The following GAB4 variants were observed in gnomAD, a reference collection of about 807,000 sequenced individuals.
GAB4 encodes the protein GRB2 associated binding protein family member 4.
A neutral mutation model predicts 51.3 loss-of-function variants in GAB4; 26 were observed. That is an observed-to-expected ratio of 0.51 (90% CI 0.37 to 0.70). The LOEUF is 0.70. GAB4 is among the 30% of genes least tolerant of loss of function. The pLI, the probability that GAB4 is intolerant of heterozygous loss-of-function variation, is 0.00. For synonymous variants in GAB4, 329 were observed against 291.2 expected (o/e 1.13, Z -1.32); for missense variants, 759 against 734.6 (o/e 1.03, Z -0.38).
At chr22:17,007,122 T>C (rs2061046549) in intron 1 of GAB4, among the ~76,000 whole-genome samples, 1 of 152,102 alleles carries the variant, frequency 6.6e-6, no homozygotes, top group African/African-American at 2.4e-5. Flanking sequence ...CTGGAATAGA[T>C]TCTTGAAGGG....
At position 16,965,171 on chromosome 22, in the gene GAB4, C is replaced by T. The variant is rs1276098435; in HGVS notation, c.1379+7G>A. ...CCAAGCTCCTGTTTCCACTGACAGA[C>T]ACTCACCTGGTCCCAGACCAGGGCT... is the stretch of plus-strand genomic sequence containing the variant. On this transcript the variant is annotated splice_region_variant and intron_variant, in intron 7 of 9. Transcript: ENST00000400588. 8.7e-6 allele frequency: 14 copies of T among 1,607,060 alleles called. No individual in the cohort carries two copies. In the East Asian group the frequency reaches 3.1e-4, roughly 36 times the overall value.
intron 1 of GAB4, among the ~76,000 whole-genome samples, chr22:17,002,690 G>A (rs1242121026): frequency 6.6e-6 from 1 of 152,126 alleles, no homozygotes; most frequent in South Asian, 2.1e-4. Flanking sequence ...TGGGGGCGAG[G>A]GGGGAGGGAT....
chr22:16,968,328 C>T lies in GAB4; in HGVS notation c.993G>A (p.Glu331=). ...HGGGNASRPA[E]SMHEGVCSFL... is the part of the protein sequence containing the mutation. ...AAGAACAGACTCCCTCATGCATGGA[C>T]TCAGCAGGCCGGCTGGCATTCCCTC... Residue 331 remains glutamate, a synonymous_variant, in exon 5 of 10, where the codon GAG becomes GAA. Coordinates refer to ENST00000400588, the MANE Select transcript of GAB4 (RefSeq NM_001037814.1). The T allele has an allele frequency of 6.2e-7, 1 of 1,614,056 alleles. No individual in the cohort carries two copies. The highest frequency in any genetic ancestry group is 1.1e-5 in the South Asian group (1 of 91,076).
At chr22:16,975,176 A>T (rs2060766753) in intron 3 of GAB4, among the ~76,000 whole-genome samples, 1 of 152,162 alleles carries the variant, frequency 6.6e-6, no homozygotes, top group Non-Finnish European at 1.5e-5. Flanking sequence ...ATTCCCCTGA[A>T]AATGGGGCTG....
rs1257163653 is a variant in GAB4 at position 16,962,711 on chromosome 22, A to G, written c.*22T>C. ...AGCTCTGAGGCACTGTCCTGGCCCC[A>G]CTCTGGTTTTGGTGGCCCGAGTCAC... On this transcript the variant is annotated 3_prime_UTR_variant, in exon 10 of 10. Coordinates refer to ENST00000400588, the MANE Select transcript of GAB4 (RefSeq NM_001037814.1). The G allele has an allele frequency of 1.2e-6, 2 of 1,603,648 alleles. No homozygotes were observed. The highest frequency in any genetic ancestry group is 2.2e-5 in the East Asian group (1 of 44,806).
intron 3 of GAB4, among the ~76,000 whole-genome samples, chr22:16,987,077 A>G (rs151160101): frequency 0.019 from 2,860 of 152,368 alleles, 87 homozygotes; most frequent in African/African-American, 0.065. Flanking sequence ...TGACTGGTTC[A>G]AGTGAGATTA....
chr22:17,006,698 T>A (rs1241704255), intron 1 of GAB4, among the ~76,000 whole-genome samples: 2 of 152,190 alleles, frequency 1.3e-5, no homozygotes, highest in Non-Finnish European at 1.5e-5. Context: ...GAGTTCATGT[T>A]CTTTACAGGG....
Position 17,005,817 on chromosome 22 carries a change from C to T in GAB4, c.174+2124G>A, listed in dbSNP as rs149212213. ...CCATGGGCAGAAAACTGAAAGTGGA[C>T]CCCTTCCTTATATCTTATACAAAAA... On this transcript the variant is annotated intron_variant, in intron 1 of 9. Transcript: ENST00000400588. 4.8e-3 allele frequency among the ~76,000 whole-genome samples: 737 copies of T among 152,258 alleles called. 8 individuals are homozygous for T. The highest frequency in any genetic ancestry group is 0.017 in the African/African-American group (712 of 41,538).
At position 16,977,428 on chromosome 22, in the gene GAB4, G is replaced by C. The variant is rs2123674663; in HGVS notation, c.687-7235C>G. Among the ~76,000 whole-genome samples, 2 of 151,230 alleles carry C rather than the reference G, an allele frequency of 1.3e-5. 1 individual carries two copies. The highest frequency in any genetic ancestry group is 4.2e-4 in the South Asian group (2 of 4,794). On this transcript the variant is annotated intron_variant, in intron 3 of 9. Coordinates refer to ENST00000400588, the MANE Select transcript of GAB4 (RefSeq NM_001037814.1). Reference sequence around the variant, plus strand: ...ACCAAGAAAGATCAAAAGAGACAAAGAGGGCTTTACATAATGGTAAAGGGA... The same window carrying C: ...ACCAAGAAAGATCAAAAGAGACAAACAGGGCTTTACATAATGGTAAAGGGA...
At chr22:16,997,186 A>G (rs1373890119) in intron 1 of GAB4, among the ~76,000 whole-genome samples, 1 of 152,288 alleles carries the variant, frequency 6.6e-6, no homozygotes, top group East Asian at 1.9e-4. Flanking sequence ...GTCAAATGGT[A>G]TTTCTAGTTC....
intron 3 of GAB4, among the ~76,000 whole-genome samples, chr22:16,984,733 G>C (rs2060854011): frequency 6.6e-6 from 1 of 152,196 alleles, no homozygotes; most frequent in Non-Finnish European, 1.5e-5. Context: ...TGTTACACTG[G>C]TTTGGGACTT....
intron 1 of GAB4, among the ~76,000 whole-genome samples, chr22:17,000,026 T>C (rs957851799): frequency 5.3e-5 from 8 of 152,212 alleles, no homozygotes; most frequent in African/African-American, 1.7e-4. Context: ...TCATTTCTGT[T>C]TTTCTACATT....
rs1285525393 is a variant in GAB4 at position 17,008,069 on chromosome 22, C to T, written c.46G>A (p.Asp16Asn). 2 of 1,607,826 alleles carry T rather than the reference C, an allele frequency of 1.2e-6. No individual in the cohort carries two copies. Among genetic ancestry groups the T allele is most frequent in the East Asian group, 2.2e-5 (1 of 44,716 alleles). Reference protein sequence around the residue: ...PSPSRELCPPDPAFAPLSSWP... With the variant: ...PSPSRELCPPNPAFAPLSSWP... ...GAAGACAAAGGCGCAAATGCCGGGT[C>T]AGGTGGGCACAGCTCCCGGGAGGGT... is the stretch of plus-strand genomic sequence containing the variant. Residue 16 changes from aspartate to asparagine, a missense_variant, in exon 1 of 10, where the codon GAC becomes AAC. Coordinates refer to ENST00000400588, the MANE Select transcript of GAB4 (RefSeq NM_001037814.1).
Position 16,965,161 on chromosome 22 carries a change from C to T in GAB4, c.1379+17G>A, listed in dbSNP as rs750489712. The T allele has an allele frequency of 5.0e-6, 8 of 1,596,450 alleles. No individual in the cohort carries two copies. In the South Asian group the frequency reaches 7.8e-5, roughly 16 times the overall value. On this transcript the variant is annotated intron_variant, in intron 7 of 9. Transcript: ENST00000400588. ...CGGCCCGGTCCCAAGCTCCTGTTTC[C>T]ACTGACAGACACTCACCTGGTCCCA... is the stretch of plus-strand genomic sequence containing the variant.
At chr22:16,980,724 A>C (rs1250522492) in intron 3 of GAB4, among the ~76,000 whole-genome samples, 3 of 152,220 alleles carry the variant, frequency 2.0e-5, no homozygotes, top group African/African-American at 7.2e-5. Flanking sequence ...TTATTGCAGC[A>C]CTATTCACAA....
At chr22:16,969,898 A>C in intron 4 of GAB4, 45 bp downstream of exon 4, 2 of 1,612,032 alleles carry the variant, frequency 1.2e-6, no homozygotes, top group Non-Finnish European at 1.7e-6. Flanking sequence ...TGGCCCCCAA[A>C]CTCCTGGAAC....
chr22:16,968,725 C>T (rs565512739), intron 4 of GAB4, among the ~76,000 whole-genome samples: 11 of 152,302 alleles, frequency 7.2e-5, no homozygotes, highest in Non-Finnish European at 1.0e-4. Flanking sequence ...TTCTGCATGT[C>T]GGTTTCATTT....
At position 16,966,111 on chromosome 22, in the gene GAB4, G is replaced by C; in HGVS notation, c.1277C>G (p.Pro426Arg). The change falls in exon 6 of 10, where the codon CCT (proline) becomes CGT (arginine). Residue 426 changes from proline to arginine, a missense_variant. Pro to Arg is a moderately radical substitution (Grantham distance 103). Transcript: ENST00000400588. ...QLPPVNRSLKPNQKANPTPPN... is the reference protein window; with the variant it reads ...QLPPVNRSLKRNQKANPTPPN... ...GGGGAAAGACTTACCCTTCTGGTTA[G>C]GCTTGAGGCTGCGGTTGACAGGGGG... The C allele has an allele frequency of 6.2e-7, 1 of 1,613,978 alleles. No individual in the cohort carries two copies. Among genetic ancestry groups the C allele is most frequent in the Non-Finnish European group, 8.5e-7 (1 of 1,179,978 alleles).
At chr22:17,002,819 A>C (rs1298719088) in intron 1 of GAB4, among the ~76,000 whole-genome samples, 3 of 152,226 alleles carry the variant, frequency 2.0e-5, no homozygotes, top group African/African-American at 4.8e-5. Flanking sequence ...AAAAACTTAA[A>C]GTATAATTTA....
Sources: gnomAD v4.1 joint callset for allele counts (sites outside exome capture counted in the v4.1 genomes callset) on GRCh38, gnomAD v4.1.1 for gene constraint, MANE v1.5 for transcripts, NCBI Gene and HGNC (gene_info 2026-07-23, HGNC 2026-07-21) for gene names.